Variants in TMEM131 observed in about 807,000 individuals in gnomAD.
TMEM131 encodes the protein transmembrane protein 131.
Under a neutral mutation model 211.6 loss-of-function variants are expected in TMEM131, and 66 were observed. That is an observed-to-expected ratio of 0.31 (90% CI 0.26 to 0.38). The LOEUF is 0.38. Among genes scored for constraint, TMEM131 ranks in the 10% least tolerant of loss-of-function variants. TMEM131 has a pLI of 1.00. For synonymous variants in TMEM131, 844 were observed against 841.3 expected, an observed-to-expected ratio of 1.00 and a Z score of -0.06; for missense variants, 2,036 against 2,299.3, an observed-to-expected ratio of 0.89 and a Z score of 2.34.
chr2:97,934,679 G>A (rs1268858879), intron 1 of TMEM131, among the ~76,000 whole-genome samples: 1 of 152,196 alleles, frequency 6.6e-6, no homozygotes, highest in Non-Finnish European at 1.5e-5. Flanking sequence ...TAAATCACTT[G>A]CAGAGAGTAG....
chr2:97,976,802 G>T (rs1485206098), intron 1 of TMEM131, among the ~76,000 whole-genome samples: 1 of 152,094 alleles, frequency 6.6e-6, no homozygotes, highest in Non-Finnish European at 1.5e-5. Flanking sequence ...CAGAAAAATA[G>T]ATTAACAGAA....
intron 3 of TMEM131, among the ~76,000 whole-genome samples, chr2:97,891,874 G>A (rs532414601): frequency 2.0e-5 from 3 of 151,702 alleles, no homozygotes; most frequent in South Asian, 4.2e-4. Flanking sequence ...CCAGAAACCT[G>A]CATTTTTAAG....
chr2:97,967,882 T>C (rs1679126161), intron 1 of TMEM131, among the ~76,000 whole-genome samples: 1 of 151,846 alleles, frequency 6.6e-6, no homozygotes, highest in Admixed American at 6.6e-5. Flanking sequence ...TTACGCCACT[T>C]TTTTTAGGTT....
intron 11 of TMEM131, among the ~76,000 whole-genome samples, chr2:97,819,335 CAACA>C (rs1559379584): frequency 6.6e-6 from 1 of 152,204 alleles, no homozygotes; most frequent in African/African-American, 2.4e-5. Flanking sequence ...GCTTAAATAA[CAACA>C]AACAGGAAAA....
At chr2:97,799,573 A>T (rs1278047636) in intron 25 of TMEM131, among the ~76,000 whole-genome samples, 1 of 152,192 alleles carries the variant, frequency 6.6e-6, no homozygotes, top group Non-Finnish European at 1.5e-5. Context: ...TTTGAGCAAA[A>T]TTTAGGATTT....
At chr2:97,928,732 C>T (rs1677093206) in intron 1 of TMEM131, among the ~76,000 whole-genome samples, 1 of 151,738 alleles carries the variant, frequency 6.6e-6, no homozygotes, top group African/African-American at 2.4e-5. Flanking sequence ...TGCCACTATA[C>T]ATGTACACTG....
intron 32 of TMEM131, among the ~76,000 whole-genome samples, chr2:97,775,200 G>A (rs558830110): frequency 6.6e-6 from 1 of 152,238 alleles, no homozygotes; most frequent in African/African-American, 2.4e-5. Context: ...AGGCCCACTG[G>A]ACCCGACACT....
At chr2:97,836,450 G>C (rs1436643993) in intron 8 of TMEM131, among the ~76,000 whole-genome samples, 1 of 152,128 alleles carries the variant, frequency 6.6e-6, no homozygotes, top group Non-Finnish European at 1.5e-5. Context: ...TCTCCCTCTT[G>C]AATTAAAGCA....
chr2:97,984,400 G>C (rs1032388316), intron 1 of TMEM131, among the ~76,000 whole-genome samples: 1 of 151,720 alleles, frequency 6.6e-6, no homozygotes, highest in Admixed American at 6.6e-5. Flanking sequence ...CAGTCCATTT[G>C]AGTTGCTTTA....
chr2:97,927,737 CTGTTA>C (rs1341747930), intron 1 of TMEM131, among the ~76,000 whole-genome samples: 2 of 152,100 alleles, frequency 1.3e-5, no homozygotes, highest in African/African-American at 4.8e-5. Context: ...ATATCCATTA[CTGTTA>C]TATTATGAGA....
intron 35 of TMEM131, chr2:97,762,406 A>G: frequency 2.0e-6 from 1 of 510,282 alleles, no homozygotes; most frequent in African/African-American, 2.0e-5. Flanking sequence ...GGGGAGCAAG[A>G]GCGTGCCCGG....
chr2:97,868,623 G>A (rs1674367292), intron 4 of TMEM131, among the ~76,000 whole-genome samples: 1 of 152,054 alleles, frequency 6.6e-6, no homozygotes, highest in Non-Finnish European at 1.5e-5. Flanking sequence ...ATCATTCTGT[G>A]GCTGACGTTC....
At chr2:97,982,225 G>A (rs1679830011) in intron 1 of TMEM131, among the ~76,000 whole-genome samples, 1 of 152,178 alleles carries the variant, frequency 6.6e-6, no homozygotes, top group African/African-American at 2.4e-5. Context: ...ATATTGGTGG[G>A]TGTGAAATGG....
chr2:97,782,265 C>A (rs965407335), intron 31 of TMEM131, among the ~76,000 whole-genome samples: 4 of 152,222 alleles, frequency 2.6e-5, no homozygotes, highest in African/African-American at 9.7e-5. Flanking sequence ...AGCCTCCCTG[C>A]CCTTGCGAGT....
At chr2:97,870,211 TA>T (rs1172672434) in intron 4 of TMEM131, among the ~76,000 whole-genome samples, 1 of 152,188 alleles carries the variant, frequency 6.6e-6, no homozygotes, top group Non-Finnish European at 1.5e-5. Context: ...CAAAATCCTC[TA>T]TAGCAACACC....
At chr2:97,780,409 T>C (rs975647978) in intron 31 of TMEM131, among the ~76,000 whole-genome samples, 4 of 152,204 alleles carry the variant, frequency 2.6e-5, no homozygotes, top group African/African-American at 9.6e-5. Flanking sequence ...GTAATGGCCT[T>C]GTCTCCCTGA....
At chr2:97,818,574 T>C in intron 12 of TMEM131, 39 bp downstream of exon 12, 2 of 1,319,020 alleles carry the variant, frequency 1.5e-6, no homozygotes, top group Non-Finnish European at 2.1e-6. Context: ...TTTATCAAAA[T>C]AACATCACTC....
Position 97,766,608 on chromosome 2 carries a change from A to G in TMEM131, c.4449-6T>C, listed in dbSNP as rs1229873033. On this transcript the variant is annotated splice_region_variant and splice_polypyrimidine_tract_variant and intron_variant, in intron 33 of 40. Coordinates refer to ENST00000186436, the MANE Select transcript of TMEM131 (RefSeq NM_015348.2). Reference sequence around the variant, plus strand: ...TATATGGTAGTTCTAATGAACTGAAAGACAATCAGGGATGGAAAATACAAA... The same window carrying G: ...TATATGGTAGTTCTAATGAACTGAAGGACAATCAGGGATGGAAAATACAAA... The G allele has an allele frequency of 6.2e-7, 1 of 1,613,414 alleles. No individual in the cohort carries two copies. The highest frequency in any genetic ancestry group is 1.1e-5 in the South Asian group (1 of 90,906).
rs142900801 is a variant in TMEM131, at chr2:97,968,537, G to A, written c.187+26939C>T. 3.9e-5 allele frequency among the ~76,000 whole-genome samples: 6 copies of A among 152,190 alleles called. No homozygotes were observed. In the East Asian group the frequency reaches 7.7e-4, roughly 20 times the overall value. On this transcript the variant is annotated intron_variant, in intron 1 of 40. Coordinates refer to ENST00000186436, the MANE Select transcript of TMEM131 (RefSeq NM_015348.2). ...TCCTATCTCCCTGCAGTAGGGTCTC[G>A]GAAAATGAGTTCTCCCTTTGGAGGG...
Sources: allele counts gnomAD v4.1 joint callset (sites outside exome capture counted in the v4.1 genomes callset), GRCh38; gene constraint gnomAD v4.1.1; transcripts MANE v1.5; gene names NCBI Gene and HGNC (gene_info 2026-07-23, HGNC 2026-07-21).